The following RNF152 variants were observed in gnomAD, a reference collection of about 807,000 sequenced individuals.
RNF152 encodes the protein E3 ubiquitin-protein ligase RNF152.
A neutral mutation model predicts 12.7 loss-of-function variants in RNF152; 11 were observed. The observed-to-expected ratio is 0.86, with a 90% CI of 0.54 to 1.43. The LOEUF is 1.43. RNF152 is among the 40% of genes most tolerant of loss of function. RNF152 has a pLI of 0.00. For missense variants in RNF152, 255 were observed against 274.8 expected (o/e 0.93, Z 0.51); for synonymous variants, 113 against 120.3 (o/e 0.94, Z 0.40).
At chr18:61,871,151 C>A (rs977402654) in intron 1 of RNF152, among the ~76,000 whole-genome samples, 1 of 151,980 alleles carries the variant, frequency 6.6e-6, no homozygotes, top group African/African-American at 2.4e-5. Context: ...AAGGGCACTG[C>A]CAGTTTAGGA....
At chr18:61,831,397 A>G (rs1909936758) in intron 1 of RNF152, among the ~76,000 whole-genome samples, 1 of 152,164 alleles carries the variant, frequency 6.6e-6, no homozygotes, top group South Asian at 2.1e-4. Context: ...CATTTTACAA[A>G]CTAATGAAAG....
intron 1 of RNF152, among the ~76,000 whole-genome samples, chr18:61,863,465 G>T (rs1276635958): frequency 2.0e-5 from 3 of 149,278 alleles, no homozygotes; most frequent in African/African-American, 4.9e-5. Context: ...GTAGCCCCTT[G>T]ACTTTTTTCA....
chr18:61,861,552 G>A (rs767199942), intron 1 of RNF152, among the ~76,000 whole-genome samples: 7 of 152,182 alleles, frequency 4.6e-5, no homozygotes, highest in Non-Finnish European at 1.0e-4. Flanking sequence ...ATCAAGTGAG[G>A]CATGACTGTA....
chr18:61,860,997 A>G (rs1911451342), intron 1 of RNF152, among the ~76,000 whole-genome samples: 1 of 152,256 alleles, frequency 6.6e-6, no homozygotes. Context: ...CAGTTGTATA[A>G]TATTTGTGAT....
chr18:61,862,659 C>T (rs895628181), intron 1 of RNF152, among the ~76,000 whole-genome samples: 19 of 152,330 alleles, frequency 1.2e-4, no homozygotes, highest in South Asian at 2.1e-4. Context: ...TGTCCCCCAC[C>T]CCTCACCCCA....
At chr18:61,869,077 T>C (rs777860683) in intron 1 of RNF152, among the ~76,000 whole-genome samples, 2 of 152,180 alleles carry the variant, frequency 1.3e-5, no homozygotes, top group Non-Finnish European at 2.9e-5. Flanking sequence ...TTCTAACATC[T>C]CAGAGGTAAT....
chr18:61,827,417 A>C (rs1909718840), intron 1 of RNF152, among the ~76,000 whole-genome samples: 1 of 152,198 alleles, frequency 6.6e-6, no homozygotes, highest in South Asian at 2.1e-4. Context: ...GTAAGGAGGG[A>C]AAATCTTGGC....
intron 1 of RNF152, among the ~76,000 whole-genome samples, chr18:61,882,342 C>G (rs1912501159): frequency 6.6e-6 from 1 of 152,186 alleles, no homozygotes; most frequent in Non-Finnish European, 1.5e-5. Flanking sequence ...AATTCCCCTT[C>G]CAAAAACAAG....
intron 1 of RNF152, among the ~76,000 whole-genome samples, chr18:61,886,185 G>A (rs1169109730): frequency 6.6e-6 from 1 of 151,698 alleles, no homozygotes; most frequent in African/African-American, 2.4e-5. Flanking sequence ...ATGCAAGTAG[G>A]GGAAGCTCTT....
intron 1 of RNF152, among the ~76,000 whole-genome samples, chr18:61,869,069 C>G (rs1310020277): frequency 6.6e-6 from 1 of 152,170 alleles, no homozygotes; most frequent in Non-Finnish European, 1.5e-5. Flanking sequence ...TGAGAATATT[C>G]TAACATCTCA....
At chr18:61,827,199 A>T (rs1183723769) in intron 1 of RNF152, among the ~76,000 whole-genome samples, 1 of 152,216 alleles carries the variant, frequency 6.6e-6, no homozygotes, top group Non-Finnish European at 1.5e-5. Flanking sequence ...ATAGCAGGCC[A>T]CAAAGTAGCT....
chr18:61,859,482 C>T (rs1408182345), intron 1 of RNF152, among the ~76,000 whole-genome samples: 2 of 152,174 alleles, frequency 1.3e-5, no homozygotes, highest in Non-Finnish European at 2.9e-5. Flanking sequence ...GGAGATGCTG[C>T]CCTTGAAGAA....
intron 1 of RNF152, among the ~76,000 whole-genome samples, chr18:61,825,067 A>G (rs1909594564): frequency 6.6e-6 from 1 of 152,222 alleles, no homozygotes; most frequent in South Asian, 2.1e-4. Flanking sequence ...AGATGAAAAA[A>G]CAAAAATCCT....
intron 1 of RNF152, among the ~76,000 whole-genome samples, chr18:61,845,922 G>C (rs563251149): frequency 6.6e-6 from 1 of 151,532 alleles, no homozygotes; most frequent in African/African-American, 2.4e-5. Flanking sequence ...GCTTTGTGTG[G>C]GGGGGCGTGG....
intron 1 of RNF152, among the ~76,000 whole-genome samples, chr18:61,881,567 C>A (rs9957629): frequency 0.52 from 79,586 of 152,018 alleles, 20,896 homozygotes; most frequent in East Asian, 0.75. Context: ...TGCCCTTTGC[C>A]ATAGTCAAAG....
chr18:61,855,636 T>C (rs1006373228), intron 1 of RNF152, among the ~76,000 whole-genome samples: 2 of 152,260 alleles, frequency 1.3e-5, no homozygotes, highest in African/African-American at 4.8e-5. Flanking sequence ...CCTGCCCCGC[T>C]GCAGCCCCTG....
chr18:61,842,944 G>A (rs576666561), intron 1 of RNF152, among the ~76,000 whole-genome samples: 83 of 152,342 alleles, frequency 5.4e-4, no homozygotes, highest in Non-Finnish European at 1.0e-3. Context: ...GCTACAAGAT[G>A]AGATTTGGGT....
intron 1 of RNF152, among the ~76,000 whole-genome samples, chr18:61,844,167 AAGGGAG>A (rs1910635149): frequency 1.7e-5 from 2 of 120,578 alleles, no homozygotes; most frequent in East Asian, 4.9e-4. Flanking sequence ...GGAAGGGAGG[AAGGGAG>A]GAAGAGAGGA....
intron 1 of RNF152, among the ~76,000 whole-genome samples, chr18:61,877,757 C>A (rs184433052): frequency 1.3e-3 from 200 of 152,238 alleles, no homozygotes; most frequent in Non-Finnish European, 2.6e-3. Flanking sequence ...AAAATCTGTC[C>A]CTTTTTTTGT....
Sources: allele counts gnomAD v4.1 joint callset (sites outside exome capture counted in the v4.1 genomes callset), GRCh38; gene constraint gnomAD v4.1.1; transcripts MANE v1.5; gene names NCBI Gene and HGNC (gene_info 2026-07-23, HGNC 2026-07-21).